Variants in ERC2 observed in about 807,000 individuals in gnomAD.
ERC2 encodes the protein ELKS/RAB6-interacting/CAST family member 2.
A neutral mutation model predicts 114.8 loss-of-function variants in ERC2; 42 were observed. The ratio of observed to expected loss-of-function variants is 0.37; its 90% CI spans 0.29 to 0.47. The LOEUF is 0.47. Ranked by LOEUF, ERC2 falls within the 20% of genes least tolerant of loss-of-function variation. The pLI is 0.99. For missense variants in ERC2, 939 were observed against 1,150.7 expected (o/e 0.82, Z 2.66); for synonymous variants, 454 against 425.5 (o/e 1.07, Z -0.82).
At chr3:56,027,226 T>A (rs542083236) in intron 7 of ERC2, among the ~76,000 whole-genome samples, 2 of 152,330 alleles carry the variant, frequency 1.3e-5, no homozygotes, top group African/African-American at 4.8e-5. Flanking sequence ...CTGAAGGACA[T>A]TTCAGTTGTT....
At chr3:55,667,844 G>A (rs925292474) in intron 17 of ERC2, among the ~76,000 whole-genome samples, 2 of 152,168 alleles carry the variant, frequency 1.3e-5, no homozygotes, top group African/African-American at 4.8e-5. Context: ...TTGAGAAGTG[G>A]GCAGTTTGCC....
At chr3:55,679,747 G>A (rs1239546831) in intron 17 of ERC2, among the ~76,000 whole-genome samples, 1 of 152,254 alleles carries the variant, frequency 6.6e-6, no homozygotes, top group Non-Finnish European at 1.5e-5. Flanking sequence ...TACAGGCGGT[G>A]TGAAAGAAAA....
At chr3:56,356,206 A>G (rs545470538) in intron 2 of ERC2, among the ~76,000 whole-genome samples, 13 of 152,234 alleles carry the variant, frequency 8.5e-5, no homozygotes, top group Admixed American at 3.3e-4. Context: ...AGTCACATTT[A>G]GAATCCACCA....
intron 3 of ERC2, among the ~76,000 whole-genome samples, chr3:56,184,650 T>C (rs2083482323): frequency 6.6e-6 from 1 of 152,090 alleles, no homozygotes; most frequent in Admixed American, 6.6e-5. Flanking sequence ...CAGTCTGAGG[T>C]CTAAACTCGC....
At chr3:56,066,862 T>C (rs553527788) in intron 7 of ERC2, among the ~76,000 whole-genome samples, 1 of 152,334 alleles carries the variant, frequency 6.6e-6, no homozygotes, top group South Asian at 2.1e-4. Flanking sequence ...TGGTTGTAGA[T>C]GTGTGGTATT....
chr3:56,296,623 T>G (rs538984390), intron 2 of ERC2, among the ~76,000 whole-genome samples, 188 bp from the exon 3 acceptor site: 2 of 152,158 alleles, frequency 1.3e-5, no homozygotes, highest in African/African-American at 4.8e-5. Flanking sequence ...GGGAGATTAA[T>G]TCAGTGATGC....
At chr3:55,882,235 C>T (rs772923087) in intron 14 of ERC2, among the ~76,000 whole-genome samples, 1 of 152,304 alleles carries the variant, frequency 6.6e-6, no homozygotes, top group African/African-American at 2.4e-5. Flanking sequence ...CCTCTCTCCC[C>T]ATGTGATCTC....
intron 17 of ERC2, among the ~76,000 whole-genome samples, chr3:55,523,846 G>C (rs776894138): frequency 2.0e-5 from 3 of 152,204 alleles, no homozygotes; most frequent in Admixed American, 6.5e-5. Context: ...TTCTGCAGCA[G>C]TGATTTTCAA....
At chr3:55,654,374 T>C (rs920839369) in intron 17 of ERC2, among the ~76,000 whole-genome samples, 1 of 152,250 alleles carries the variant, frequency 6.6e-6, no homozygotes, top group African/African-American at 2.4e-5. Flanking sequence ...TCCTGAGCTT[T>C]GAGGATGTGG....
chr3:55,888,547 T>C lies in ERC2; in HGVS notation c.2406A>G (p.Ile802Met), dbSNP rs750746993. 3 of 1,613,822 alleles carry C rather than the reference T, an allele frequency of 1.9e-6. No homozygotes were observed. The highest frequency in any genetic ancestry group is 1.7e-4 in the Middle Eastern group (1 of 6,060). The change falls in exon 14 of 18, where the codon ATA becomes ATG. Residue 802 changes from isoleucine (I) to methionine (M), a missense_variant and splice_region_variant. This residue lies in a region of ERC2 where 328 missense variants were observed against 353.9 expected (regional missense o/e 0.93). Transcript: ENST00000288221. Reference sequence around the variant, plus strand: ...TCTCCAGTGCATTCATCAGTTCCTCTATCTGAAAGGCACATGGAGCTCTGT... The same window carrying C: ...TCTCCAGTGCATTCATCAGTTCCTCCATCTGAAAGGCACATGGAGCTCTGT... ...SMADNSQHLQ[I>M]EELMNALEKT... is the part of the protein sequence containing the mutation.
intron 17 of ERC2, among the ~76,000 whole-genome samples, chr3:55,563,328 C>CTT (rs57775830): frequency 1.9e-4 from 27 of 138,902 alleles, no homozygotes; most frequent in Admixed American, 1.1e-3. Context: ...AGTGTCTTTC[C>CTT]TTTTTTTTTT....
chr3:56,458,372 G>A (rs549342187), intron 1 of ERC2, among the ~76,000 whole-genome samples: 1 of 152,350 alleles, frequency 6.6e-6, no homozygotes, highest in South Asian at 2.1e-4. Flanking sequence ...CCCCAGGTCA[G>A]TGCTATGTCT....
At chr3:56,355,508 T>C (rs2058716041) in intron 2 of ERC2, among the ~76,000 whole-genome samples, 1 of 151,904 alleles carries the variant, frequency 6.6e-6, no homozygotes, top group Non-Finnish European at 1.5e-5. Flanking sequence ...GACAGGATCT[T>C]CCCATGTTGC....
chr3:55,634,581 G>A (rs1318416327), intron 17 of ERC2, among the ~76,000 whole-genome samples: 2 of 152,110 alleles, frequency 1.3e-5, no homozygotes, highest in East Asian at 1.9e-4. Context: ...CAGTTCATAC[G>A]AGAACCTGTC....
intron 3 of ERC2, among the ~76,000 whole-genome samples, chr3:56,226,812 C>T (rs181929579): frequency 1.1e-4 from 17 of 152,262 alleles, no homozygotes; most frequent in South Asian, 2.1e-4. Context: ...CACCTTCCTA[C>T]GACAGACTCA....
chr3:56,347,112 G>A lies in ERC2; in HGVS notation c.658-50677C>T, dbSNP rs2058341075. On this transcript the variant is annotated intron_variant, in intron 2 of 17. Transcript: ENST00000288221. ...CAATTTAATCCCAAACTGGGAATTG[G>A]TGTTAGACAAGATGAAAACCTGGAG... 1.3e-5 allele frequency among the ~76,000 whole-genome samples: 2 copies of A among 152,150 alleles called. 1 individual carries two copies. The highest frequency in any genetic ancestry group is 2.9e-5 in the Non-Finnish European group (2 of 68,048).
At chr3:55,694,945 A>G (rs2062851871) in intron 16 of ERC2, among the ~76,000 whole-genome samples, 1 of 152,214 alleles carries the variant, frequency 6.6e-6, no homozygotes, top group Non-Finnish European at 1.5e-5. Context: ...TCACCAGGTT[A>G]GTCTATACCT....
intron 2 of ERC2, among the ~76,000 whole-genome samples, chr3:56,385,841 A>C (rs1220003200): frequency 6.6e-6 from 1 of 152,192 alleles, no homozygotes; most frequent in African/African-American, 2.4e-5. Context: ...CCAAGGCTGG[A>C]GAACTACCAT....
intron 14 of ERC2, among the ~76,000 whole-genome samples, chr3:55,757,062 C>G (rs901857386): frequency 6.6e-6 from 1 of 152,144 alleles, no homozygotes; most frequent in Non-Finnish European, 1.5e-5. Context: ...GAACTAAAAA[C>G]TTCTCCCTGA....
Sources: allele counts gnomAD v4.1 joint callset (sites outside exome capture counted in the v4.1 genomes callset), GRCh38; gene constraint gnomAD v4.1.1; regional missense constraint gnomAD v4.1.1; transcripts MANE v1.5; gene names NCBI Gene and HGNC (gene_info 2026-07-23, HGNC 2026-07-21).